Variants in NRDE2 observed in about 807,000 individuals in gnomAD.
NRDE2 encodes NRDE-2, necessary for RNA interference, domain containing.
A neutral mutation model predicts 124.2 loss-of-function variants in NRDE2; 76 were observed. That is an observed-to-expected ratio of 0.61 (90% confidence interval 0.51 to 0.74). The LOEUF (loss-of-function observed/expected upper bound fraction) is 0.74. Among genes scored for constraint, NRDE2 ranks in the 30% least tolerant of loss-of-function variants. The pLI is 0.00. For missense variants in NRDE2, 1,314 were observed against 1,417.3 expected (o/e 0.93, Z 1.17); for synonymous variants, 489 against 528.1 (o/e 0.93, Z 1.01).
intron 12 of NRDE2, among the ~76,000 whole-genome samples, chr14:90,282,643 T>TGTC (rs1891985844): frequency 6.6e-6 from 1 of 152,154 alleles, no homozygotes; most frequent in Non-Finnish European, 1.5e-5. Context: ...ATATTCTCCG[T>TGTC]GGCCAAGAAT....
In NRDE2 at chr14:90,270,083, A is replaced by C; in HGVS notation, c.*8253T>G. On this transcript the variant is annotated 3_prime_UTR_variant, in exon 14 of 14. Coordinates refer to ENST00000354366, the MANE Select transcript of NRDE2 (RefSeq NM_017970.4). ...TTTTTAAAATTTAGACATCCTTCCCACAGAATTCTGTCCGACTGAAACTTC... is the reference window on the plus strand; with the variant it reads ...TTTTTAAAATTTAGACATCCTTCCCCCAGAATTCTGTCCGACTGAAACTTC... 1 of 1,104,808 alleles carries C rather than the reference A, an allele frequency of 9.1e-7. No individual in the cohort carries two copies. Among genetic ancestry groups the C allele is most frequent in the Non-Finnish European group, 1.3e-6 (1 of 782,808 alleles). 68.4% of individuals were successfully genotyped at this position (1,104,808 alleles called of 1,614,324 possible). A position where few individuals can be genotyped will look rare whatever the true frequency, so the allele number is the denominator to read the frequency against.
chr14:90,268,551 C>A lies in NRDE2; in HGVS notation c.*9785G>T. 1.3e-6 allele frequency: 1 copy of A among 782,786 alleles called. No individual in the cohort carries two copies. The allele number at this position is 782,786 out of a possible 1,614,324, so 48.5% of individuals were successfully genotyped here. The stretch of plus-strand genomic sequence containing the variant: ...CGTGGCCTTCCATGCATGCTTTAGG[C>A]TCTGCTCTCCCAGGAGCCAGCTAAC... On this transcript the variant is annotated 3_prime_UTR_variant, in exon 14 of 14. Coordinates refer to ENST00000354366, the MANE Select transcript of NRDE2 (RefSeq NM_017970.4).
At chr14:90,330,064 G>A (rs982819069) in intron 1 of NRDE2, among the ~76,000 whole-genome samples, 4 of 149,496 alleles carry the variant, frequency 2.7e-5, no homozygotes, top group South Asian at 2.1e-4. Flanking sequence ...AAAATTAGCC[G>A]GGCATGGTGG....
At position 90,315,957 on chromosome 14, in the gene NRDE2, CAAAAAAAAAAAAA is replaced by C. The variant is rs59604203; in HGVS notation, c.407+608_407+620del. Among the ~76,000 whole-genome samples the C allele has an allele frequency of 5.4e-5, 4 of 74,410 alleles. No homozygotes were observed. In the East Asian group the frequency reaches 1.6e-3, roughly 31 times the overall value. The allele number at this position is 74,410 out of a possible 152,430, so 48.8% of individuals were successfully genotyped here. A position where few individuals can be genotyped will look rare whatever the true frequency, so the allele number is the denominator to read the frequency against. Reference sequence around the variant, plus strand: ...GGGCAACTGGAGTGAAACCCCGTCTCAAAAAAAAAAAAAAAAAAAAAAGAAAGAAAGCAGAGTA... The same window carrying C: ...GGGCAACTGGAGTGAAACCCCGTCTCAAAAAAAAAGAAAGAAAGCAGAGTA... On this transcript the variant is annotated intron_variant, in intron 3 of 13. Transcript: ENST00000354366.
chr14:90,303,479 G>C (rs1351684868), intron 5 of NRDE2, among the ~76,000 whole-genome samples: 1 of 152,230 alleles, frequency 6.6e-6, no homozygotes, highest in East Asian at 1.9e-4. Flanking sequence ...TAGGGATTCA[G>C]ACAAACCTAC....
At position 90,303,894 on chromosome 14, in the gene NRDE2, A is replaced by C. The variant is rs202062026; in HGVS notation, c.1005+41T>G. ...TCCATCAGTTTGCCCAAAATCAGGA[A>C]TGTCCTTCTAAGGTAAGAGAATTGG... On this transcript the variant is annotated intron_variant, in intron 5 of 13. Coordinates refer to ENST00000354366, the MANE Select transcript of NRDE2 (RefSeq NM_017970.4). 44 of 1,532,972 alleles carry C rather than the reference A, an allele frequency of 2.9e-5. 1 individual carries two copies. In the East Asian group the frequency reaches 9.3e-4, roughly 32 times the overall value. The allele number at this position is 1,532,972 out of a possible 1,614,324, so 95.0% of individuals were successfully genotyped here.
At chr14:90,326,527 GA>G (rs1290242221) in intron 1 of NRDE2, among the ~76,000 whole-genome samples, 1 of 151,514 alleles carries the variant, frequency 6.6e-6, no homozygotes, top group Non-Finnish European at 1.5e-5. Flanking sequence ...AAGAGAGAGG[GA>G]AAATGTAGTT....
intron 3 of NRDE2, among the ~76,000 whole-genome samples, chr14:90,315,831 C>T (rs1378313759): frequency 6.6e-6 from 1 of 151,826 alleles, no homozygotes; most frequent in African/African-American, 2.4e-5. Context: ...GTGGCAGACG[C>T]CTGTAATCCC....
chr14:90,300,503 G>A (rs1300865865), intron 7 of NRDE2, among the ~76,000 whole-genome samples: 2 of 151,850 alleles, frequency 1.3e-5, no homozygotes, highest in African/African-American at 4.8e-5. Flanking sequence ...GTAGAAAACT[G>A]AGTTTTATTT....
intron 7 of NRDE2, 53 bp downstream of exon 7, chr14:90,301,186 C>T: frequency 1.9e-6 from 3 of 1,587,828 alleles, no homozygotes; most frequent in Non-Finnish European, 2.6e-6. Context: ...TTCCCCCTCT[C>T]CCTCCAGAGA....
chr14:90,307,270 A>T (rs1255842604), intron 4 of NRDE2, among the ~76,000 whole-genome samples: 1 of 152,224 alleles, frequency 6.6e-6, no homozygotes, highest in African/African-American at 2.4e-5. Flanking sequence ...CATTGTATGG[A>T]TGTGCCATAA....
At chr14:90,296,815 A>G (rs1189487732) in intron 8 of NRDE2, among the ~76,000 whole-genome samples, 1 of 152,168 alleles carries the variant, frequency 6.6e-6, no homozygotes, top group African/African-American at 2.4e-5. Flanking sequence ...ATACGTCACC[A>G]TTAATATGTG....
At chr14:90,295,434 C>G (rs2139681538) in intron 8 of NRDE2, among the ~76,000 whole-genome samples, 1 of 152,186 alleles carries the variant, frequency 6.6e-6, no homozygotes, top group South Asian at 2.1e-4. Context: ...AAGAAGAAAA[C>G]TGAATGTATT....
intron 1 of NRDE2, among the ~76,000 whole-genome samples, chr14:90,319,368 C>A (rs1179097777): frequency 1.3e-5 from 2 of 152,120 alleles, no homozygotes; most frequent in Admixed American, 6.5e-5. Flanking sequence ...TAGTCATGTA[C>A]AATTTAACAG....
intron 1 of NRDE2, among the ~76,000 whole-genome samples, chr14:90,330,143 G>C (rs1402458668): frequency 4.6e-5 from 7 of 150,890 alleles, no homozygotes; most frequent in Non-Finnish European, 7.4e-5. Context: ...GGAGGCGAAG[G>C]CTGCAGTGAG....
rs1304486137 is a variant in NRDE2 at position 90,273,969 on chromosome 14, T to TAA, written c.*4365_*4366dup. On this transcript the variant is annotated 3_prime_UTR_variant, in exon 14 of 14. Coordinates refer to ENST00000354366, the MANE Select transcript of NRDE2 (RefSeq NM_017970.4). ...ATGATCCAGGATAATTTCCCTGTTT[T>TAA]AAAGTTTACAATCTTCTTAATTTTT... 1.4e-5 allele frequency: 2 copies of TAA among 142,310 alleles called. No individual in the cohort carries two copies. Among genetic ancestry groups the TAA allele is most frequent in the African/African-American group, 5.0e-5 (2 of 40,080 alleles). 8.8% of individuals were successfully genotyped at this position (142,310 alleles called of 1,614,324 possible). A position where few individuals can be genotyped will look rare whatever the true frequency, so the allele number is the denominator to read the frequency against.
Position 90,318,059 on chromosome 14 carries a change from C to A in NRDE2, c.119G>T (p.Ser40Ile). Residue 40 changes from serine (S) to isoleucine (I), a missense_variant, in exon 2 of 14, where the codon AGC becomes ATC. Physicochemically the swap from Ser to Ile is moderately radical, Grantham distance 142 (BLOSUM62 -2). Transcript: ENST00000354366. ...SFCVGSITSL[S>I]QQTEAAPAHV... ...GGCTGGAGCTGCTTCAGTTTGTTGG[C>A]TCAGGGACGTTATGGATCCAACACA... 6.2e-7 allele frequency: 1 copy of A among 1,614,200 alleles called. No homozygotes were observed.
chr14:90,325,828 T>C (rs1885408324), intron 1 of NRDE2, among the ~76,000 whole-genome samples: 1 of 152,102 alleles, frequency 6.6e-6, no homozygotes, highest in Non-Finnish European at 1.5e-5. Context: ...TGCCCAGCCC[T>C]TGGCCTAACT....
rs998204811 is a variant in NRDE2, at chr14:90,276,212, G to T, written c.*2124C>A. 2 of 135,396 alleles carry T rather than the reference G, an allele frequency of 1.5e-5. No individual in the cohort carries two copies. Among genetic ancestry groups the T allele is most frequent in the African/African-American group, 5.4e-5 (2 of 36,904 alleles). The allele number at this position is 135,396 out of a possible 1,614,324, so 8.4% of individuals were successfully genotyped here. On this transcript the variant is annotated 3_prime_UTR_variant, in exon 14 of 14. Transcript: ENST00000354366. ...GAAGTTCATGTCAGCAATCTCAAAC[G>T]GGCTGTTTTTTTTTTTTTTTTTTCG...
Sources: gnomAD v4.1 joint callset for allele counts (sites outside exome capture counted in the v4.1 genomes callset) on GRCh38, gnomAD v4.1.1 for gene constraint, MANE v1.5 for transcripts, NCBI Gene and HGNC (gene_info 2026-07-23, HGNC 2026-07-21) for gene names.